MVB12B: variants seen among roughly 807,000 people sequenced by gnomAD.
The protein encoded by MVB12B is ESCRT-I complex subunit MVB12B.
In MVB12B, 16 loss-of-function variants were observed where a neutral mutation model predicts 41.6. The observed-to-expected ratio is 0.38, with a 90% CI of 0.26 to 0.58. The LOEUF is 0.58. Ranked by LOEUF, MVB12B falls within the 20% of genes least tolerant of loss-of-function variation. MVB12B has a pLI of 0.62. For missense variants in MVB12B, 274 were observed against 380.2 expected (o/e 0.72, Z 2.32); for synonymous variants, 133 against 139.7 (o/e 0.95, Z 0.34).
chr9:126,495,356 G>T (rs1208087739), intron 9 of MVB12B, among the ~76,000 whole-genome samples: 1 of 152,204 alleles, frequency 6.6e-6, no homozygotes, highest in Non-Finnish European at 1.5e-5. Context: ...GGAGAGCGAG[G>T]CGAGAGCAAG....
intron 9 of MVB12B, among the ~76,000 whole-genome samples, chr9:126,495,238 A>G (rs920629845): frequency 1.3e-5 from 2 of 151,622 alleles, no homozygotes; most frequent in Non-Finnish European, 2.9e-5. Flanking sequence ...GAAGGGAAAT[A>G]GCATTTATTC....
At chr9:126,366,049 T>A (rs1013340119) in intron 2 of MVB12B, among the ~76,000 whole-genome samples, 2 of 152,094 alleles carry the variant, frequency 1.3e-5, no homozygotes, top group Non-Finnish European at 2.9e-5. Context: ...ATTCCCTCCC[T>A]CATTGTGCTG....
At chr9:126,450,706 G>A (rs778174918) in intron 7 of MVB12B, among the ~76,000 whole-genome samples, 2 of 152,170 alleles carry the variant, frequency 1.3e-5, no homozygotes, top group South Asian at 4.1e-4. Context: ...AAGAGGTGTC[G>A]ATATAATTAA....
intron 6 of MVB12B, among the ~76,000 whole-genome samples, chr9:126,418,746 C>G (rs551622936): frequency 6.6e-6 from 1 of 152,124 alleles, no homozygotes; most frequent in Non-Finnish European, 1.5e-5. Flanking sequence ...CACGGAGCCT[C>G]GAGTGCTCAC....
rs1474925539 is a variant in MVB12B at position 126,367,746 on chromosome 9, T to C, written c.205-13318T>C. On this transcript the variant is annotated intron_variant, in intron 2 of 9. Coordinates refer to ENST00000361171, the MANE Select transcript of MVB12B (RefSeq NM_033446.3). This position sits in a 1 kb window ranked among gnomAD's most constrained non-coding sequence, Gnocchi z 4.3. ...TCACACAATAACCCTGCCAAGTTAC[T>C]ATTGCAGTCTTGTTTTACAAGTAAG... Among the ~76,000 whole-genome samples, 2 of 152,226 alleles carry C rather than the reference T, an allele frequency of 1.3e-5. No individual in the cohort carries two copies. Among genetic ancestry groups the C allele is most frequent in the African/African-American group, 4.8e-5 (2 of 41,466 alleles).
intron 9 of MVB12B, among the ~76,000 whole-genome samples, chr9:126,499,097 G>C (rs1019115295): frequency 6.6e-6 from 1 of 152,150 alleles, no homozygotes; most frequent in African/African-American, 2.4e-5. Flanking sequence ...TCTTTGCCTC[G>C]AAGCTGGGTG....
chr9:126,416,489 T>A (rs1831830380), intron 6 of MVB12B, among the ~76,000 whole-genome samples: 1 of 152,186 alleles, frequency 6.6e-6, no homozygotes, highest in Admixed American at 6.5e-5. Flanking sequence ...CCTGTCGGGA[T>A]CACTGAGCTA....
intron 3 of MVB12B, among the ~76,000 whole-genome samples, chr9:126,382,327 C>T (rs917852379): frequency 6.6e-6 from 1 of 152,036 alleles, no homozygotes; most frequent in Admixed American, 6.6e-5. Context: ...TTCTTTGATA[C>T]GATAATTATT....
intron 6 of MVB12B, 86 bp from the exon 7 acceptor site, chr9:126,421,768 A>G: frequency 2.0e-6 from 2 of 1,012,548 alleles, no homozygotes; most frequent in Non-Finnish European, 3.2e-6. Flanking sequence ...TCTGTGCTGC[A>G]TTTCAGCTGT....
rs1310595934 is a variant in MVB12B at position 126,334,778 on chromosome 9, T to C, written c.82-5730T>C. Among the ~76,000 whole-genome samples, 3 of 152,338 alleles carry C rather than the reference T, an allele frequency of 2.0e-5. No homozygotes were observed. The South Asian group carries it at 6.2e-4, about 32-fold the overall frequency. On this transcript the variant is annotated intron_variant, in intron 1 of 9. Transcript: ENST00000361171. The stretch of plus-strand genomic sequence containing the variant: ...GTGGTACCCACAGTGTACTGGAGAA[T>C]GCCCTACCCTCGAGTAATGTTCCCT...
At chr9:126,470,065 G>A (rs950461350) in intron 7 of MVB12B, among the ~76,000 whole-genome samples, 3 of 152,268 alleles carry the variant, frequency 2.0e-5, no homozygotes, top group African/African-American at 4.8e-5. Context: ...GTTAGCCACT[G>A]GTATTAGTAT....
chr9:126,481,276 T>G, intron 7 of MVB12B, 93 bp from the exon 8 acceptor site: 1 of 1,075,410 alleles, frequency 9.3e-7, no homozygotes, highest in Non-Finnish European at 1.4e-6. Flanking sequence ...CAGTGACGGA[T>G]TCATATTCTC....
At chr9:126,362,164 T>A (rs1830046900) in intron 2 of MVB12B, among the ~76,000 whole-genome samples, 2 of 152,182 alleles carry the variant, frequency 1.3e-5, no homozygotes, top group African/African-American at 4.8e-5. Flanking sequence ...TTCATCAAAT[T>A]TGTAATATTT....
chr9:126,334,258 G>A (rs1829218103), intron 1 of MVB12B, among the ~76,000 whole-genome samples: 1 of 152,212 alleles, frequency 6.6e-6, no homozygotes, highest in Non-Finnish European at 1.5e-5. Flanking sequence ...GGCAAGGTCA[G>A]CTGAATTTGA....
intron 7 of MVB12B, among the ~76,000 whole-genome samples, chr9:126,470,141 G>A (rs776539803): frequency 6.6e-6 from 1 of 152,184 alleles, no homozygotes; most frequent in Non-Finnish European, 1.5e-5. Context: ...ACCCCTTTCT[G>A]CCTGCTTTCC....
At chr9:126,475,236 C>T (rs956393532) in intron 7 of MVB12B, among the ~76,000 whole-genome samples, 3 of 152,148 alleles carry the variant, frequency 2.0e-5, no homozygotes, top group Non-Finnish European at 4.4e-5. Context: ...GACTGCCCAC[C>T]TCGGCTTCCC....
At chr9:126,355,765 C>T (rs929715602) in intron 2 of MVB12B, among the ~76,000 whole-genome samples, 2 of 152,166 alleles carry the variant, frequency 1.3e-5, no homozygotes, top group Admixed American at 6.5e-5. Context: ...TTGAAGTTAG[C>T]AAATTGTTGA....
chr9:126,477,633 T>C (rs1348564498), intron 7 of MVB12B, among the ~76,000 whole-genome samples: 2 of 152,246 alleles, frequency 1.3e-5, no homozygotes, highest in Admixed American at 1.3e-4. Flanking sequence ...ATGAGACTTA[T>C]TCACTCTCAT....
In MVB12B at chr9:126,497,838, C is replaced by T. The variant is rs561630045; in HGVS notation, c.874-5339C>T. On this transcript the variant is annotated intron_variant, in intron 9 of 9. Coordinates refer to ENST00000361171, the MANE Select transcript of MVB12B (RefSeq NM_033446.3). ...TGGCCCTGCAGCTGCTGGAAGAAGA[C>T]GTGCAGGGTTTCCAAACCGAACAGT... Among the ~76,000 whole-genome samples the T allele has an allele frequency of 2.7e-4, 41 of 152,358 alleles. No homozygotes were observed. In the South Asian group the frequency reaches 7.7e-3, roughly 28 times the overall value.
Sources: gnomAD v4.1 joint callset for allele counts (sites outside exome capture counted in the v4.1 genomes callset) on GRCh38, gnomAD v4.1.1 for gene constraint, Gnocchi (gnomAD v3.1) non-coding constraint, MANE v1.5 for transcripts, NCBI Gene and HGNC (gene_info 2026-07-23, HGNC 2026-07-21) for gene names.